TP73: variants seen among roughly 807,000 people sequenced by gnomAD.
TP73 encodes the protein tumor protein p73.
A neutral mutation model predicts 62.5 loss-of-function variants in TP73; 25 were observed. The observed-to-expected ratio is 0.40, with a 90% CI of 0.29 to 0.56. The LOEUF (loss-of-function observed/expected upper bound fraction) is 0.56. Among genes scored for constraint, TP73 ranks in the 20% least tolerant of loss-of-function variants. The pLI is 0.46. For synonymous variants in TP73, 423 were observed against 377.5 expected (o/e 1.12, Z -1.40); for missense variants, 754 against 913.3 (o/e 0.83, Z 2.25).
At chr1:3,661,722 GTATATA>G (rs3034606) in intron 1 of TP73, among the ~76,000 whole-genome samples, 19 of 141,480 alleles carry the variant, frequency 1.3e-4, no homozygotes, top group Middle Eastern at 3.6e-3. Context: ...TGTATTTTGT[GTATATA>G]TATATATATA....
At position 3,730,989 on chromosome 1, in the gene TP73, C is replaced by T; in HGVS notation, c.1408C>T (p.His470Tyr). The T allele has an allele frequency of 6.2e-7, 1 of 1,612,356 alleles. No individual in the cohort carries two copies. The highest frequency in any genetic ancestry group is 8.5e-7 in the Non-Finnish European group (1 of 1,179,784). The change falls in exon 12 of 14, where the codon CAC becomes TAC. Residue 470 changes from histidine (H) to tyrosine (Y), a missense_variant. Physicochemically the swap from His to Tyr is moderately conservative, Grantham distance 83. Coordinates refer to ENST00000378295, the MANE Select transcript of TP73 (RefSeq NM_005427.4). ...VPANGEMSSS[H>Y]SAQSMVSGSH... is the part of the protein sequence containing the mutation. Reference sequence around the variant, plus strand: ...AGCCAACGGCGAGATGAGCAGCAGCCACAGCGCCCAGTCCATGGTCTCGGG... The same window carrying T: ...AGCCAACGGCGAGATGAGCAGCAGCTACAGCGCCCAGTCCATGGTCTCGGG...
chr1:3,671,359 T>G (rs6679210), intron 1 of TP73, among the ~76,000 whole-genome samples: 5,635 of 152,308 alleles, frequency 0.037, 243 homozygotes, highest in African/African-American at 0.095. Context: ...TGCCTCTCCC[T>G]GACCTACTGG....
intron 13 of TP73, 63 bp downstream of exon 13, chr1:3,731,619 C>T: frequency 1.4e-6 from 2 of 1,446,584 alleles, no homozygotes; most frequent in South Asian, 1.2e-5. Flanking sequence ...GTCCGGAGGG[C>T]AAAGAGCCTT....
chr1:3,719,348 T>G (rs1484103115), intron 4 of TP73, among the ~76,000 whole-genome samples: 1 of 152,232 alleles, frequency 6.6e-6, no homozygotes, highest in African/African-American at 2.4e-5. Context: ...CAGCTCGCCC[T>G]GCAGGCTGCC....
intron 3 of TP73, among the ~76,000 whole-genome samples, chr1:3,704,482 T>C (rs552020166): frequency 2.0e-5 from 3 of 152,168 alleles, no homozygotes; most frequent in South Asian, 4.2e-4. Flanking sequence ...ATGGGGGACA[T>C]GCGAGCCTGC....
intron 12 of TP73, 88 bp from the exon 13 acceptor site, chr1:3,731,375 C>G: frequency 1.5e-6 from 2 of 1,366,426 alleles, no homozygotes; most frequent in African/African-American, 2.8e-5. Context: ...CAGTCTCCGC[C>G]CCAGCCAGGC....
intron 1 of TP73, among the ~76,000 whole-genome samples, chr1:3,676,897 G>A (rs531463770): frequency 1.3e-5 from 2 of 151,674 alleles, no homozygotes; most frequent in African/African-American, 4.8e-5. Context: ...GCAACGTAGG[G>A]TGCTAAGCAG....
At position 3,679,495 on chromosome 1, in the gene TP73, C is replaced by T. The variant is rs563829045; in HGVS notation, c.-33-2838C>T. On this transcript the variant is annotated intron_variant, in intron 1 of 13. Coordinates refer to ENST00000378295, the MANE Select transcript of TP73 (RefSeq NM_005427.4). The stretch of plus-strand genomic sequence containing the variant: ...CCTGTCTCTCTCCATCTCTCTCTGT[C>T]TCTCTCCCTGTCTCTCTGTCTCTGT... 2.6e-5 allele frequency among the ~76,000 whole-genome samples: 4 copies of T among 152,124 alleles called. No homozygotes were observed. The South Asian group carries it at 8.3e-4, about 32-fold the overall frequency.
rs117651398 is a variant in TP73, at chr1:3,690,063, G to A, written c.186+6883G>A. Among the ~76,000 whole-genome samples, 183 of 152,302 alleles carry A rather than the reference G, an allele frequency of 1.2e-3. 1 individual carries two copies. In the East Asian group the frequency reaches 0.014, roughly 12 times the overall value. ...ACGCCTGCAGGGGGCCCCACTGCCG[G>A]GCTGTTCTTTGGCAACAGTGGCTTG... On this transcript the variant is annotated intron_variant, in intron 3 of 13. Coordinates refer to ENST00000378295, the MANE Select transcript of TP73 (RefSeq NM_005427.4).
chr1:3,697,175 G>GTCGCACCCGCGGCCCACC (rs951114304), intron 3 of TP73, among the ~76,000 whole-genome samples: 2 of 108,084 alleles, frequency 1.9e-5, no homozygotes, highest in African/African-American at 3.1e-5. Flanking sequence ...CGCGGCCCAC[G>GTCGCACCCGCGGCCCACC]TCGCACCCGC....
At chr1:3,709,239 G>T (rs113343840) in intron 4 of TP73, among the ~76,000 whole-genome samples, 4,030 of 152,300 alleles carry the variant, frequency 0.026, 201 homozygotes, top group African/African-American at 0.091. Flanking sequence ...GCTCAGCCCG[G>T]ACTCGCTGGG....
At chr1:3,707,521 C>G in intron 3 of TP73, 28 bp from the exon 4 acceptor site, 4 of 1,591,844 alleles carry the variant, frequency 2.5e-6, no homozygotes, top group Non-Finnish European at 3.4e-6. Flanking sequence ...GTGTGTTTCC[C>G]CCTCCCTCCT....
chr1:3,694,840 C>CT (rs1638468366), intron 3 of TP73, among the ~76,000 whole-genome samples: 1 of 140,276 alleles, frequency 7.1e-6, no homozygotes. Flanking sequence ...GCCTCAGCCC[C>CT]TCCTCCTGCA....
intron 3 of TP73, among the ~76,000 whole-genome samples, chr1:3,707,177 G>A (rs1639727409): frequency 6.6e-6 from 1 of 152,128 alleles, no homozygotes; most frequent in African/African-American, 2.4e-5. Context: ...CCCACTTTGA[G>A]CTGTGAGGTC....
rs950546549 is a variant in TP73 at position 3,666,417 on chromosome 1, G to A, written c.-34+13776G>A. 6.6e-6 allele frequency among the ~76,000 whole-genome samples: 1 copy of A among 152,212 alleles called. No individual in the cohort carries two copies. Among genetic ancestry groups the A allele is most frequent in the African/African-American group, 2.4e-5 (1 of 41,450 alleles). ...CTGGTGCAGAGTAAGCTGTGTGTTG[G>A]TGGGGTGTAATTATGGGTCATATTG... On this transcript the variant is annotated intron_variant, in intron 1 of 13. Transcript: ENST00000378295. This position sits in a 1 kb window ranked among gnomAD's most constrained non-coding sequence, Gnocchi z 6.4.
intron 3 of TP73, among the ~76,000 whole-genome samples, chr1:3,695,431 G>A (rs748443640): frequency 5.3e-5 from 8 of 152,348 alleles, no homozygotes; most frequent in Admixed American, 1.3e-4. Context: ...CTGTCTCGCC[G>A]CAGGGCCTGG....
At chr1:3,659,983 T>C (rs10737193) in intron 1 of TP73, among the ~76,000 whole-genome samples, 27,891 of 152,172 alleles carry the variant, frequency 0.18, 2,667 homozygotes, top group Admixed American at 0.24. Flanking sequence ...CCCAGCCTAG[T>C]CAGATTAACT....
At chr1:3,688,487 CCT>C (rs1645722867) in intron 3 of TP73, among the ~76,000 whole-genome samples, 1 of 152,214 alleles carries the variant, frequency 6.6e-6, no homozygotes, top group South Asian at 2.1e-4. Flanking sequence ...GTCGTTCCCC[CCT>C]GTCCTGCGGC....
In TP73 at chr1:3,672,096, C is replaced by T. The variant is rs1645254901; in HGVS notation, c.-33-10237C>T. On this transcript the variant is annotated intron_variant, in intron 1 of 13. Coordinates refer to ENST00000378295, the MANE Select transcript of TP73 (RefSeq NM_005427.4). This position sits in a 1 kb window ranked among gnomAD's most constrained non-coding sequence, Gnocchi z 5.3. ...AGTGGTCAGCAGGGAGACATGTCCA[C>T]TGGTGCAGCGGGCGTGTCCCAGACC... is the stretch of plus-strand genomic sequence containing the variant. Among the ~76,000 whole-genome samples, 1 of 152,152 alleles carries T rather than the reference C, an allele frequency of 6.6e-6. No homozygotes were observed. The highest frequency in any genetic ancestry group is 2.4e-5 in the African/African-American group (1 of 41,428).
Sources: gnomAD v4.1 joint callset for allele counts (sites outside exome capture counted in the v4.1 genomes callset) on GRCh38, gnomAD v4.1.1 for gene constraint, Gnocchi (gnomAD v3.1) non-coding constraint, MANE v1.5 for transcripts, NCBI Gene and HGNC (gene_info 2026-07-23, HGNC 2026-07-21) for gene names.